Variants in AK9 observed in about 807,000 individuals in gnomAD.
AK9 encodes the protein adenylate kinase 9, also known as adenylate kinase domain containing 1.
A neutral mutation model predicts 239.6 loss-of-function variants in AK9; 191 were observed. That is an observed-to-expected ratio of 0.80 (90% CI 0.71 to 0.90). The LOEUF (loss-of-function observed/expected upper bound fraction) is 0.90, where lower values mean the gene tolerates loss of function less well. Among genes scored for constraint, AK9 ranks in the 40% least tolerant of loss-of-function variants. The pLI is 0.00. For synonymous variants in AK9, 689 were observed against 721.0 expected (o/e 0.96, Z 0.71); for missense variants, 1,995 against 2,214.7 (o/e 0.90, Z 1.99).
intron 17 of AK9, among the ~76,000 whole-genome samples, chr6:109,600,659 G>C (rs922772083): frequency 3.9e-5 from 6 of 152,192 alleles, no homozygotes; most frequent in African/African-American, 1.4e-4. Flanking sequence ...AATGGTACCA[G>C]CTCCTCCTTG....
chr6:109,661,683 C>A (rs529029245), intron 6 of AK9, among the ~76,000 whole-genome samples: 17 of 152,330 alleles, frequency 1.1e-4, no homozygotes, highest in African/African-American at 3.4e-4. Flanking sequence ...GCAAGGCCAC[C>A]TCTCTCTCAC....
At chr6:109,498,863 A>G (rs1777324592) in intron 36 of AK9, among the ~76,000 whole-genome samples, 181 bp downstream of exon 36, 1 of 152,260 alleles carries the variant, frequency 6.6e-6, no homozygotes, top group South Asian at 2.1e-4. Context: ...GTTTCAAATT[A>G]TATCCTGGGA....
chr6:109,627,207 C>T (rs1224036272), intron 12 of AK9, among the ~76,000 whole-genome samples: 8 of 143,106 alleles, frequency 5.6e-5, no homozygotes, highest in Non-Finnish European at 1.2e-4. Context: ...TGTCTTCCTC[C>T]TCTATATCTT....
intron 1 of AK9, 108 bp downstream of exon 1, chr6:109,691,039 G>A (rs1774318081): frequency 3.6e-6 from 1 of 278,756 alleles, no homozygotes; most frequent in Non-Finnish European, 7.1e-6. Context: ...TTCAAAAGAA[G>A]CTACCCAATC....
chr6:109,549,091 T>G (rs565160477), intron 25 of AK9, among the ~76,000 whole-genome samples: 3 of 152,276 alleles, frequency 2.0e-5, no homozygotes, highest in Admixed American at 2.0e-4. Flanking sequence ...CCAGGGAAGA[T>G]TCACCAAAGT....
Position 109,528,999 on chromosome 6 carries a change from A to G in AK9, c.3633+12T>C. ...GAGACCCTGTTTTGAAAAAAAAAAC[A>G]AAACTACTTACCTCCCTCCTTTTTT... On this transcript the variant is annotated intron_variant, in intron 29 of 40. Coordinates refer to ENST00000424296, the MANE Select transcript of AK9 (RefSeq NM_001145128.3). The G allele has an allele frequency of 6.8e-7, 1 of 1,480,068 alleles. No individual in the cohort carries two copies. The allele number at this position is 1,480,068 out of a possible 1,614,324, so 91.7% of individuals were successfully genotyped here.
chr6:109,689,686 C>T (rs974831791), intron 1 of AK9, among the ~76,000 whole-genome samples: 1 of 152,136 alleles, frequency 6.6e-6, no homozygotes, highest in African/African-American at 2.4e-5. Context: ...CCTGGGATTA[C>T]GTCTCATATA....
intron 8 of AK9, among the ~76,000 whole-genome samples, chr6:109,647,204 C>T (rs559788806): frequency 4.6e-5 from 7 of 152,314 alleles, no homozygotes; most frequent in African/African-American, 1.4e-4. Flanking sequence ...AACCAGCTAA[C>T]ATCATAATGA....
intron 8 of AK9, among the ~76,000 whole-genome samples, chr6:109,646,953 T>G (rs553454626): frequency 1.3e-3 from 201 of 151,892 alleles, no homozygotes; most frequent in Middle Eastern, 3.4e-3. Flanking sequence ...TTAAAGAAAA[T>G]AATTTTCAAC....
At chr6:109,690,440 A>T (rs2128372847) in intron 1 of AK9, 1 of 152,300 alleles carries the variant, frequency 6.6e-6, no homozygotes, top group South Asian at 2.1e-4. Context: ...AGGGCGGACC[A>T]CGACCCAGCG....
intron 8 of AK9, among the ~76,000 whole-genome samples, 164 bp from the exon 9 acceptor site, chr6:109,644,852 G>A (rs1316974052): frequency 3.3e-5 from 5 of 152,256 alleles, no homozygotes; most frequent in South Asian, 2.1e-4. Context: ...TTTTGCAAAA[G>A]CTCAAACTAA....
chr6:109,642,508 T>C (rs891045599), intron 9 of AK9, among the ~76,000 whole-genome samples: 8 of 152,046 alleles, frequency 5.3e-5, no homozygotes, highest in Non-Finnish European at 7.4e-5. Context: ...CAATGGAACG[T>C]GGGTGGAAGT....
rs183396553 is a variant in AK9 at position 109,585,941 on chromosome 6, G to C, written c.1974C>G (p.Ile658Met). 2 of 1,546,520 alleles carry C rather than the reference G, an allele frequency of 1.3e-6. No homozygotes were observed. Among genetic ancestry groups the C allele is most frequent in the Non-Finnish European group, 1.7e-6 (2 of 1,145,014 alleles). Residue 658 changes from isoleucine to methionine, a missense_variant, in exon 18 of 41, where the codon ATC becomes ATG. This residue lies in a region of AK9 where 1,290 missense variants were observed against 1,392.7 expected (regional missense o/e 0.93). Coordinates refer to ENST00000424296, the MANE Select transcript of AK9 (RefSeq NM_001145128.3). Reference sequence around the variant, plus strand: ...CATTGTTTTCTGTATCTGATAAATAGATGACCAAATCAGGTATAATTCCTT... The same window carrying C: ...CATTGTTTTCTGTATCTGATAAATACATGACCAAATCAGGTATAATTCCTT... ...IKKGIIPDLV[I>M]YLSDTENNGK...
intron 5 of AK9, among the ~76,000 whole-genome samples, chr6:109,670,994 T>A (rs984199954): frequency 1.6e-4 from 25 of 152,090 alleles, no homozygotes; most frequent in Admixed American, 1.1e-3. Context: ...TATATCCATA[T>A]AGAGACCTGT....
chr6:109,627,273 G>A (rs1255245858), intron 12 of AK9, among the ~76,000 whole-genome samples: 1 of 151,348 alleles, frequency 6.6e-6, no homozygotes, highest in Non-Finnish European at 1.5e-5. Context: ...CATCTCTTAC[G>A]ACAACAATGC....
intron 8 of AK9, among the ~76,000 whole-genome samples, chr6:109,650,500 T>A (rs1391810043): frequency 2.0e-5 from 3 of 150,882 alleles, no homozygotes; most frequent in Admixed American, 2.0e-4. Flanking sequence ...TCACTGGCCG[T>A]CCAAGAAATG....
At position 109,506,653 on chromosome 6, in the gene AK9, C is replaced by A. The variant is rs1778156363; in HGVS notation, c.4628+1G>T. Reference sequence around the variant, plus strand: ...TTTGTTGTCTTCATCATGTACATTACCTTTGTTCATTTTCTTTTTCTAGGA... The same window carrying A: ...TTTGTTGTCTTCATCATGTACATTAACTTTGTTCATTTTCTTTTTCTAGGA... On this transcript the variant is annotated splice_donor_variant, in intron 34 of 40. Coordinates refer to ENST00000424296, the MANE Select transcript of AK9 (RefSeq NM_001145128.3). LOFTEE classifies it high-confidence loss of function. 1.3e-6 allele frequency: 2 copies of A among 1,530,354 alleles called. No individual in the cohort carries two copies. Among genetic ancestry groups the A allele is most frequent in the Non-Finnish European group, 1.8e-6 (2 of 1,133,102 alleles). The allele number at this position is 1,530,354 out of a possible 1,614,324, so 94.8% of individuals were successfully genotyped here. A position where few individuals can be genotyped will look rare whatever the true frequency, so the allele number is the denominator to read the frequency against.
rs1466717568 is a variant in AK9, at chr6:109,497,900, G to A, written c.5112C>T (p.Asp1704=). ...PLAPHPLPSA[D]MIPKRLTLSE... ...ACAGTGTCAGTCTTTTGGGGATCAT[G>A]TCAGCAGATGGGAGTGGATGAGGTG... Residue 1704 remains aspartate (D), a synonymous_variant, in exon 37 of 41, where the codon GAC becomes GAT. Transcript: ENST00000424296. The A allele has an allele frequency of 1.5e-5, 24 of 1,613,966 alleles. No homozygotes were observed. The highest frequency in any genetic ancestry group is 4.0e-5 in the African/African-American group (3 of 74,910).
At position 109,506,656 on chromosome 6, in the gene AK9, T is replaced by C. The variant is rs1179273905; in HGVS notation, c.4626A>G (p.Gln1542=). 6.5e-7 allele frequency: 1 copy of C among 1,529,938 alleles called. No homozygotes were observed. Among genetic ancestry groups the C allele is most frequent in the African/African-American group, 1.4e-5 (1 of 72,332 alleles). 94.8% of individuals were successfully genotyped at this position (1,529,938 alleles called of 1,614,324 possible). The change falls in exon 34 of 41, where the codon CAA becomes CAG. Residue 1542 remains glutamine (Q), a splice_region_variant and synonymous_variant. Coordinates refer to ENST00000424296, the MANE Select transcript of AK9 (RefSeq NM_001145128.3). ...GTTGTCTTCATCATGTACATTACCT[T>C]TGTTCATTTTCTTTTTCTAGGAGCA... ...KRLLLEKENE[Q]RLPYPLHNSA... is the part of the protein sequence containing the mutation.
Sources: gnomAD v4.1 joint callset for allele counts (sites outside exome capture counted in the v4.1 genomes callset) on GRCh38, gnomAD v4.1.1 for gene constraint, gnomAD v4.1.1 regional missense constraint, MANE v1.5 for transcripts, NCBI Gene and HGNC (gene_info 2026-07-23, HGNC 2026-07-21) for gene names.